Variants in FASTKD1 observed in about 807,000 individuals in gnomAD.
FASTKD1 encodes the protein FAST kinase domains 1.
In FASTKD1, 94 loss-of-function variants were observed where a neutral mutation model predicts 90.9. The ratio of observed to expected loss-of-function variants is 1.03; its 90% confidence interval spans 0.88 to 1.23. The LOEUF (loss-of-function observed/expected upper bound fraction) is 1.23, where lower values mean the gene tolerates loss of function less well. FASTKD1 is among the 50% of genes most tolerant of loss of function. The pLI is 0.00. For synonymous variants in FASTKD1, 319 were observed against 345.8 expected, an observed-to-expected ratio of 0.92 and a Z score of 0.86; for missense variants, 945 against 993.5, an observed-to-expected ratio of 0.95 and a Z score of 0.66.
In FASTKD1 at chr2:169,562,051, T is replaced by G. The variant is rs1007189564; in HGVS notation, c.572+1174A>C. Among the ~76,000 whole-genome samples the G allele has an allele frequency of 3.1e-5, 4 of 129,986 alleles. 1 individual carries two copies. Among genetic ancestry groups the G allele is most frequent in the African/African-American group, 1.2e-4 (4 of 34,238 alleles). 85.3% of individuals were successfully genotyped at this position (129,986 alleles called of 152,430 possible). ...TATTTATTAATTTATTGTAAATTAA[T>G]TATTTATTAATTTATTGTAAAATAA... On this transcript the variant is annotated intron_variant, in intron 4 of 14. Transcript: ENST00000453153.
chr2:169,553,753 TA>T (rs937126432), intron 7 of FASTKD1, among the ~76,000 whole-genome samples: 17 of 146,494 alleles, frequency 1.2e-4, no homozygotes, highest in Non-Finnish European at 1.4e-4. Flanking sequence ...CCATCTCTAC[TA>T]AAAAAAAAAT....
In FASTKD1 at chr2:169,546,647, G is replaced by A. The variant is rs1685217659; in HGVS notation, c.1272C>T (p.Ser424=). The change falls in exon 8 of 15, where the codon TCC becomes TCT. Residue 424 remains serine (S), a synonymous_variant. Transcript: ENST00000453153. Reference sequence around the variant, plus strand: ...CGTCCAAGTGAGGAGAAGGGAGCAGGGAAATAGCACGGACCAGAACAGACA... The same window carrying A: ...CGTCCAAGTGAGGAGAAGGGAGCAGAGAAATAGCACGGACCAGAACAGACA... The part of the protein sequence containing the change: ...TEVSVLVRAI[S]LLPSPHLDEV... 1.2e-6 allele frequency: 2 copies of A among 1,613,868 alleles called. No individual in the cohort carries two copies. The highest frequency in any genetic ancestry group is 2.2e-5 in the South Asian group (2 of 91,082).
chr2:169,548,950 A>G (rs144375658), intron 7 of FASTKD1, among the ~76,000 whole-genome samples: 4,868 of 151,492 alleles, frequency 0.032, 118 homozygotes, highest in East Asian at 0.13. Flanking sequence ...AAAAAGAGTT[A>G]GCCGGGCATG....
intron 7 of FASTKD1, 47 bp downstream of exon 7, chr2:169,555,077 G>A (rs747969084): frequency 2.6e-6 from 4 of 1,558,160 alleles, no homozygotes; most frequent in African/African-American, 1.4e-5. Context: ...AACAAATATT[G>A]TGGCTAGAAA....
At chr2:169,568,680 A>AAAAG (rs928600169) in intron 3 of FASTKD1, among the ~76,000 whole-genome samples, 16 of 150,778 alleles carry the variant, frequency 1.1e-4, no homozygotes, top group Non-Finnish European at 3.0e-5. Flanking sequence ...AGAGAGAAGA[A>AAAAG]AAAGAAAGAA....
At chr2:169,553,050 T>C (rs2105382586) in intron 7 of FASTKD1, among the ~76,000 whole-genome samples, 1 of 151,378 alleles carries the variant, frequency 6.6e-6, no homozygotes, top group African/African-American at 2.4e-5. Context: ...CTACCAAAAA[T>C]ACAAAAATTA....
intron 1 of FASTKD1, chr2:169,573,171 C>T (rs1187088225): frequency 6.6e-6 from 1 of 152,214 alleles, no homozygotes; most frequent in Non-Finnish European, 1.5e-5. Flanking sequence ...TCAGACCCCT[C>T]TCTACGGCTA....
intron 6 of FASTKD1, among the ~76,000 whole-genome samples, chr2:169,556,435 C>CAA (rs371169439): frequency 4.8e-5 from 4 of 82,682 alleles, no homozygotes; most frequent in African/African-American, 8.3e-5. Context: ...TACCCTGTCT[C>CAA]AAAAAAAAAA....
chr2:169,572,092 C>T lies in FASTKD1; in HGVS notation c.-63G>A. ...GCAACTAGTCGTCAGGTGCAATAAG[C>T]AGGGATACAAATAACAGTTTTTCCT... On this transcript the variant is annotated 5_prime_UTR_variant, in exon 2 of 15. Coordinates refer to ENST00000453153, the MANE Select transcript of FASTKD1 (RefSeq NM_024622.6). 1 of 1,512,238 alleles carries T rather than the reference C, an allele frequency of 6.6e-7. No homozygotes were observed. The highest frequency in any genetic ancestry group is 8.8e-7 in the Non-Finnish European group (1 of 1,135,028). 93.7% of individuals were successfully genotyped at this position (1,512,238 alleles called of 1,614,324 possible). A position where few individuals can be genotyped will look rare whatever the true frequency, so the allele number is the denominator to read the frequency against.
Position 169,562,021 on chromosome 2 carries a change from T to TTAATTATTCATTAATTTATTGTAAAA in FASTKD1, c.572+1203_572+1204insTTTTACAATAAATTAATGAATAATTA, listed in dbSNP as rs1559157354. Among the ~76,000 whole-genome samples, 756 of 117,654 alleles carry TTAATTATTCATTAATTTATTGTAAAA rather than the reference T, an allele frequency of 6.4e-3. 61 individuals carry two copies. Among genetic ancestry groups the TTAATTATTCATTAATTTATTGTAAAA allele is most frequent in the Non-Finnish European group, 0.01 (555 of 53,884 alleles). 77.2% of individuals were successfully genotyped at this position (117,654 alleles called of 152,430 possible). On this transcript the variant is annotated intron_variant, in intron 4 of 14. Transcript: ENST00000453153. ...TAATTATTCATTAATTTATTGTAAATTAATTATTTATTAATTTATTGTAAA... is the reference window on the plus strand; with the variant it reads ...TAATTATTCATTAATTTATTGTAAATTAATTATTCATTAATTTATTGTAAAATAATTATTTATTAATTTATTGTAAA...
At chr2:169,553,271 C>CAAAAAAAAAAAAAAAAAA (rs374454211) in intron 7 of FASTKD1, among the ~76,000 whole-genome samples, 1 of 79,204 alleles carries the variant, frequency 1.3e-5, no homozygotes, top group Non-Finnish European at 2.2e-5. Context: ...TAAAAGCATG[C>CAAAAAAAAAAAAAAAAAA]AAAAAAAAAA....
intron 2 of FASTKD1, 76 bp from the exon 3 acceptor site, chr2:169,569,328 T>G (rs932297347): frequency 5.2e-6 from 7 of 1,355,280 alleles, no homozygotes; most frequent in African/African-American, 1.4e-5. Flanking sequence ...CGAATGATAA[T>G]GCAAAAGTGA....
intron 6 of FASTKD1, among the ~76,000 whole-genome samples, chr2:169,556,896 A>G (rs1352451989): frequency 1.3e-5 from 2 of 151,802 alleles, no homozygotes; most frequent in Admixed American, 1.3e-4. Flanking sequence ...AGTCCCAGCT[A>G]CTCAGGAGGC....
chr2:169,561,243 T>G (rs117782485), intron 4 of FASTKD1, among the ~76,000 whole-genome samples: 1 of 150,488 alleles, frequency 6.6e-6, no homozygotes, highest in Admixed American at 6.6e-5. Flanking sequence ...GGTTGCATCA[T>G]TGCACTCCAG....
intron 3 of FASTKD1, among the ~76,000 whole-genome samples, chr2:169,566,623 G>A (rs963527619): frequency 6.6e-6 from 1 of 151,990 alleles, no homozygotes; most frequent in African/African-American, 2.4e-5. Flanking sequence ...GAGATAGGAC[G>A]ATGGCTTGAG....
chr2:169,565,952 G>A (rs570688817), intron 3 of FASTKD1, among the ~76,000 whole-genome samples: 2 of 152,198 alleles, frequency 1.3e-5, no homozygotes, highest in South Asian at 4.1e-4. Context: ...CTTTTCATAT[G>A]CCTGTTTGCC....
intron 9 of FASTKD1, among the ~76,000 whole-genome samples, chr2:169,541,860 C>T (rs1684971315): frequency 1.3e-5 from 2 of 152,124 alleles, no homozygotes; most frequent in South Asian, 4.1e-4. Flanking sequence ...ACTCGGTCTC[C>T]CTCATCTACT....
rs561609798 is a variant in FASTKD1 at position 169,564,437 on chromosome 2, T to A, written c.447-1087A>T. 1.9e-3 allele frequency among the ~76,000 whole-genome samples: 287 copies of A among 151,340 alleles called. 1 individual carries two copies. The highest frequency in any genetic ancestry group is 6.8e-3 in the Middle Eastern group (2 of 294). ...TTTTTATTAAAATTAAAAAAAAAAT[T>A]TTTTTTGTGGGTACATAGTAGGTAC... On this transcript the variant is annotated intron_variant, in intron 3 of 14. Transcript: ENST00000453153.
At chr2:169,557,841 T>C in intron 5 of FASTKD1, among the ~76,000 whole-genome samples, 1 of 152,226 alleles carries the variant, frequency 6.6e-6, no homozygotes, top group East Asian at 1.9e-4. Context: ...AGTGCAGTAA[T>C]GTTAAGTACC....
Sources: allele counts gnomAD v4.1 joint callset (sites outside exome capture counted in the v4.1 genomes callset), GRCh38; gene constraint gnomAD v4.1.1; transcripts MANE v1.5; gene names NCBI Gene and HGNC (gene_info 2026-07-23, HGNC 2026-07-21).